ITPR2: variants seen among roughly 807,000 people sequenced by gnomAD.
The protein encoded by ITPR2 is inositol 1,4,5-trisphosphate-gated calcium channel ITPR2.
In ITPR2, 207 loss-of-function variants were observed where a neutral mutation model predicts 317.1. The ratio of observed to expected loss-of-function variants is 0.65; its 90% CI spans 0.58 to 0.73. ITPR2 has a LOEUF of 0.73. ITPR2 is among the 30% of genes least tolerant of loss of function. The probability of loss-of-function intolerance (pLI) is 0.00; values close to 1 mark genes in which losing one functional copy is unlikely to be tolerated. For synonymous variants in ITPR2, 1,156 were observed against 1,149.1 expected (o/e 1.01, Z -0.12); for missense variants, 2,613 against 3,284.0 (o/e 0.80, Z 4.99).
Position 26,498,988 on chromosome 12 carries a change from C to G in ITPR2, c.5074-3728G>C, listed in dbSNP as rs554697899. On this transcript the variant is annotated intron_variant, in intron 37 of 56. Coordinates refer to ENST00000381340, the MANE Select transcript of ITPR2 (RefSeq NM_002223.4). Reference sequence around the variant, plus strand: ...AAGTTCTGGGATTACAGACATGAACCTGGCCCTGGAAGAATCTTTTAATCA... The same window carrying G: ...AAGTTCTGGGATTACAGACATGAACGTGGCCCTGGAAGAATCTTTTAATCA... Among the ~76,000 whole-genome samples the G allele has an allele frequency of 3.6e-4, 55 of 152,288 alleles. No homozygotes were observed. In the South Asian group the frequency reaches 4.6e-3, roughly 13 times the overall value.
Position 26,655,862 on chromosome 12 carries a change from G to A in ITPR2, c.2445-10C>T, listed in dbSNP as rs1947359255. The stretch of plus-strand genomic sequence containing the variant: ...TGTTATAGAATCATATCTGGAAATA[G>A]AGAAAGAAGATAACGCAAGTTAAAC... On this transcript the variant is annotated splice_polypyrimidine_tract_variant and intron_variant, in intron 19 of 56. Coordinates refer to ENST00000381340, the MANE Select transcript of ITPR2 (RefSeq NM_002223.4). 2 of 1,601,410 alleles carry A rather than the reference G, an allele frequency of 1.2e-6. No individual in the cohort carries two copies. Among genetic ancestry groups the A allele is most frequent in the East Asian group, 2.2e-5 (1 of 44,768 alleles).
rs766974720 is a variant in ITPR2, at chr12:26,595,470, C to A, written c.4375G>T (p.Ala1459Ser). ...KLFENFLVDM[A>S]RVCNTTTDRK... ...GTAGTCAAAATCTAACTTACCCTTGCCATATCCACCAAGAAGTTCTCAAAT... is the reference window on the plus strand; with the variant it reads ...GTAGTCAAAATCTAACTTACCCTTGACATATCCACCAAGAAGTTCTCAAAT... The change falls in exon 32 of 57, where the codon GCA becomes TCA. Residue 1459 changes from alanine (A) to serine (S), a missense_variant. By Grantham distance (99) the Ala-to-Ser change is moderately conservative. Coordinates refer to ENST00000381340, the MANE Select transcript of ITPR2 (RefSeq NM_002223.4). The A allele has an allele frequency of 6.2e-7, 1 of 1,605,742 alleles. No homozygotes were observed. The highest frequency in any genetic ancestry group is 8.5e-7 in the Non-Finnish European group (1 of 1,177,822).
At chr12:26,360,771 C>A (rs2136577813) in intron 55 of ITPR2, among the ~76,000 whole-genome samples, 1 of 152,228 alleles carries the variant, frequency 6.6e-6, no homozygotes, top group South Asian at 2.1e-4. Flanking sequence ...CAAAAAATTT[C>A]TTTTTTCCTT....
intron 37 of ITPR2, among the ~76,000 whole-genome samples, chr12:26,533,744 T>A (rs1944008112): frequency 6.6e-6 from 1 of 152,140 alleles, no homozygotes; most frequent in Non-Finnish European, 1.5e-5. Flanking sequence ...GAGAAACACC[T>A]GGGACAGTTC....
intron 9 of ITPR2, among the ~76,000 whole-genome samples, chr12:26,697,428 T>C (rs1236186267): frequency 2.0e-5 from 3 of 152,174 alleles, no homozygotes; most frequent in Non-Finnish European, 4.4e-5. Flanking sequence ...TTTCAGGAAA[T>C]GGTTTGGCAT....
chr12:26,468,554 C>CAA (rs66637666), intron 45 of ITPR2, among the ~76,000 whole-genome samples: 2 of 143,900 alleles, frequency 1.4e-5, no homozygotes, highest in Non-Finnish European at 1.5e-5. Context: ...AGGCACTGAA[C>CAA]AAATATAGAA....
intron 13 of ITPR2, among the ~76,000 whole-genome samples, chr12:26,667,638 G>A (rs775274297): frequency 5.9e-5 from 9 of 152,120 alleles, no homozygotes; most frequent in Non-Finnish European, 1.0e-4. Context: ...AATTTGGAGC[G>A]GAGGTTACTT....
chr12:26,787,129 G>A (rs1367899030), intron 2 of ITPR2, among the ~76,000 whole-genome samples: 1 of 152,188 alleles, frequency 6.6e-6, no homozygotes, highest in Non-Finnish European at 1.5e-5. Context: ...GCTCCTGGCT[G>A]TTAAGAAGGC....
At chr12:26,464,958 A>G (rs1427120461) in intron 45 of ITPR2, among the ~76,000 whole-genome samples, 1 of 152,212 alleles carries the variant, frequency 6.6e-6, no homozygotes, top group Non-Finnish European at 1.5e-5. Flanking sequence ...CTAAAAAGAC[A>G]TTCAAATGCA....
intron 37 of ITPR2, among the ~76,000 whole-genome samples, chr12:26,512,534 T>C (rs1349737192): frequency 6.6e-6 from 1 of 152,208 alleles, no homozygotes; most frequent in Admixed American, 6.5e-5. Context: ...GAATGCAACC[T>C]TTTGTCTCTT....
At chr12:26,806,981 C>A (rs1471805457) in intron 1 of ITPR2, among the ~76,000 whole-genome samples, 2 of 151,768 alleles carry the variant, frequency 1.3e-5, no homozygotes, top group Non-Finnish European at 2.9e-5. Flanking sequence ...TATATATATG[C>A]ACTATTAGAC....
intron 11 of ITPR2, among the ~76,000 whole-genome samples, chr12:26,685,990 T>C (rs1472959027): frequency 6.6e-6 from 1 of 152,248 alleles, no homozygotes; most frequent in East Asian, 1.9e-4. Context: ...TTGTTTTGTT[T>C]ACTGCCTGTC....
At chr12:26,366,818 AC>A (rs1211225121) in intron 55 of ITPR2, among the ~76,000 whole-genome samples, 1 of 152,222 alleles carries the variant, frequency 6.6e-6, no homozygotes, top group African/African-American at 2.4e-5. Flanking sequence ...TTGGAAGAAT[AC>A]ATTTTTCTGG....
chr12:26,782,026 ATATATAT>A (rs1565759972), intron 2 of ITPR2, among the ~76,000 whole-genome samples: 907 of 26,054 alleles, frequency 0.035, 27 homozygotes, highest in East Asian at 0.046. Context: ...ATATATATAT[ATATATAT>A]GTATAGAGAG....
At chr12:26,391,568 T>A (rs1171312609) in intron 54 of ITPR2, among the ~76,000 whole-genome samples, 17 of 132,454 alleles carry the variant, frequency 1.3e-4, no homozygotes, top group Admixed American at 1.2e-3. Flanking sequence ...TTTTTTTTTT[T>A]TTTTTTTTTT....
chr12:26,758,822 C>T (rs570453432), intron 2 of ITPR2, among the ~76,000 whole-genome samples: 14 of 152,290 alleles, frequency 9.2e-5, no homozygotes, highest in African/African-American at 2.9e-4. Flanking sequence ...TGAAATCCAC[C>T]AGCACTTTCT....
At chr12:26,605,587 C>T (rs999830265) in intron 26 of ITPR2, among the ~76,000 whole-genome samples, 2 of 152,070 alleles carry the variant, frequency 1.3e-5, no homozygotes, top group African/African-American at 2.4e-5. Context: ...ATCTTTAAGC[C>T]TGTTTTTCAA....
intron 53 of ITPR2, among the ~76,000 whole-genome samples, chr12:26,399,793 C>A (rs1940111449): frequency 6.6e-6 from 1 of 152,160 alleles, no homozygotes; most frequent in African/African-American, 2.4e-5. Context: ...AATCTTCATG[C>A]TCAAGAAACC....
intron 47 of ITPR2, among the ~76,000 whole-genome samples, chr12:26,437,952 C>T (rs1299560644): frequency 1.3e-5 from 2 of 152,012 alleles, no homozygotes; most frequent in Admixed American, 1.3e-4. Flanking sequence ...CAGGTGCCTG[C>T]CACCACGCCC....
Sources: gnomAD v4.1 joint callset for allele counts (sites outside exome capture counted in the v4.1 genomes callset) on GRCh38, gnomAD v4.1.1 for gene constraint, MANE v1.5 for transcripts, NCBI Gene and HGNC (gene_info 2026-07-23, HGNC 2026-07-21) for gene names.